COL26A1: variants seen among roughly 807,000 people sequenced by gnomAD.
The protein encoded by COL26A1 is collagen alpha-1(XXVI) chain.
A neutral mutation model predicts 59.3 loss-of-function variants in COL26A1; 41 were observed. The observed-to-expected ratio is 0.69, with a 90% CI of 0.54 to 0.90. COL26A1 has a LOEUF of 0.90. COL26A1 is among the 40% of genes least tolerant of loss of function. COL26A1 has a pLI of 0.00. For missense variants in COL26A1, 612 were observed against 602.3 expected, an observed-to-expected ratio of 1.02 and a Z score of -0.17; for synonymous variants, 266 against 256.0, an observed-to-expected ratio of 1.04 and a Z score of -0.37.
intron 3 of COL26A1, among the ~76,000 whole-genome samples, chr7:101,465,691 C>CA (rs539721605): frequency 0.067 from 6,808 of 102,140 alleles, 317 homozygotes; most frequent in African/African-American, 0.15. Context: ...GAAACTGTCT[C>CA]AAAAAAAAAA....
intron 1 of COL26A1, among the ~76,000 whole-genome samples, chr7:101,406,190 T>C (rs1389715174): frequency 6.6e-6 from 1 of 152,220 alleles, no homozygotes; most frequent in East Asian, 1.9e-4. Flanking sequence ...CCTCCAAAAA[T>C]CAATGACCTT....
At chr7:101,377,217 A>G (rs182748748) in intron 1 of COL26A1, among the ~76,000 whole-genome samples, 1 of 151,992 alleles carries the variant, frequency 6.6e-6, no homozygotes, top group Non-Finnish European at 1.5e-5. Flanking sequence ...TATGTTGTCC[A>G]GGTCAGTCTC....
intron 1 of COL26A1, among the ~76,000 whole-genome samples, chr7:101,410,640 G>C (rs965910973): frequency 1.3e-5 from 2 of 152,068 alleles, no homozygotes; most frequent in African/African-American, 4.8e-5. Flanking sequence ...TCAGCCTCCT[G>C]AGTAGCTGGG....
chr7:101,531,131 T>C (rs1016235185), intron 3 of COL26A1, among the ~76,000 whole-genome samples: 1 of 152,160 alleles, frequency 6.6e-6, no homozygotes, highest in East Asian at 1.9e-4. Flanking sequence ...CCACCATGCC[T>C]GGCTAATTTT....
chr7:101,397,342 G>C (rs1205327848), intron 1 of COL26A1, among the ~76,000 whole-genome samples: 1 of 149,664 alleles, frequency 6.7e-6, no homozygotes, highest in Non-Finnish European at 1.5e-5. Context: ...ACTTAGAATT[G>C]CTTTCTTTTC....
intron 10 of COL26A1, 25 bp downstream of exon 10, chr7:101,551,168 C>T: frequency 6.7e-7 from 1 of 1,498,710 alleles, no homozygotes; most frequent in Non-Finnish European, 8.9e-7. Context: ...TGCAGATGGG[C>T]CTGGGCCACT....
At chr7:101,439,055 G>A (rs984790724) in intron 2 of COL26A1, among the ~76,000 whole-genome samples, 1 of 152,108 alleles carries the variant, frequency 6.6e-6, no homozygotes, top group East Asian at 1.9e-4. Context: ...TGAGGGGCTC[G>A]CCCACCTTCA....
intron 2 of COL26A1, among the ~76,000 whole-genome samples, chr7:101,423,733 GC>G (rs964999486): frequency 5.2e-4 from 77 of 148,608 alleles, no homozygotes; most frequent in Non-Finnish European, 2.5e-4. Flanking sequence ...AGACTCCGTC[GC>G]AAAAAAAAAG....
chr7:101,532,206 C>T (rs1795384772), intron 3 of COL26A1, among the ~76,000 whole-genome samples: 1 of 152,154 alleles, frequency 6.6e-6, no homozygotes, highest in Non-Finnish European at 1.5e-5. Flanking sequence ...GCGGGGTCAG[C>T]ATCACAAGGC....
At chr7:101,365,449 C>G (rs1157049553) in intron 1 of COL26A1, among the ~76,000 whole-genome samples, 1 of 151,922 alleles carries the variant, frequency 6.6e-6, no homozygotes, top group African/African-American at 2.4e-5. Context: ...TTTTTTGAGA[C>G]AGAGTCTCGC....
At chr7:101,383,533 AT>A (rs36087862) in intron 1 of COL26A1, among the ~76,000 whole-genome samples, 2 of 147,584 alleles carry the variant, frequency 1.4e-5, no homozygotes, top group African/African-American at 5.1e-5. Flanking sequence ...CGCCTGGCTA[AT>A]TTTTTTTTTC....
chr7:101,437,440 T>C (rs1792943215), intron 2 of COL26A1, among the ~76,000 whole-genome samples: 1 of 145,554 alleles, frequency 6.9e-6, no homozygotes, highest in Non-Finnish European at 1.5e-5. Context: ...CTGGTGGAAT[T>C]CTGAATCGGG....
At position 101,401,149 on chromosome 7, in the gene COL26A1, G is replaced by A. The variant is rs561714293; in HGVS notation, c.159-18828G>A. ...AGCTCTTTGCAGAACTACCTGCCTG[G>A]AGAAGGCATAGGGGTAAGGCTTTCC... On this transcript the variant is annotated intron_variant, in intron 1 of 12. Coordinates refer to ENST00000313669, the MANE Select transcript of COL26A1 (RefSeq NM_001278563.3). Among the ~76,000 whole-genome samples, 8 of 152,296 alleles carry A rather than the reference G, an allele frequency of 5.3e-5. No homozygotes were observed. The South Asian group carries it at 1.5e-3, about 28-fold the overall frequency.
intron 5 of COL26A1, among the ~76,000 whole-genome samples, chr7:101,541,156 C>T (rs191751887): frequency 3.0e-4 from 46 of 152,236 alleles, no homozygotes; most frequent in Admixed American, 1.8e-3. Flanking sequence ...CTGCCCTGCT[C>T]CTTGGCTTCT....
chr7:101,375,854 C>T (rs955307364), intron 1 of COL26A1, among the ~76,000 whole-genome samples: 19 of 151,192 alleles, frequency 1.3e-4, no homozygotes, highest in African/African-American at 3.4e-4. Context: ...GGTGTGGTGG[C>T]GGGTGCCTGT....
chr7:101,375,316 A>G (rs1003324094), intron 1 of COL26A1, among the ~76,000 whole-genome samples: 15 of 151,842 alleles, frequency 9.9e-5, no homozygotes, highest in African/African-American at 3.6e-4. Context: ...CTAGGAGGCC[A>G]TATGAAAGGA....
intron 1 of COL26A1, among the ~76,000 whole-genome samples, chr7:101,386,486 C>T (rs969123449): frequency 6.6e-6 from 1 of 152,044 alleles, no homozygotes; most frequent in African/African-American, 2.4e-5. Flanking sequence ...AGCGGTGCAC[C>T]GCACCTGGCC....
At chr7:101,412,674 A>G (rs1390499653) in intron 1 of COL26A1, among the ~76,000 whole-genome samples, 3 of 148,950 alleles carry the variant, frequency 2.0e-5, no homozygotes, top group Non-Finnish European at 3.0e-5. Context: ...AAAAGTGGGT[A>G]TAGATATGAG....
intron 1 of COL26A1, among the ~76,000 whole-genome samples, chr7:101,403,972 T>C (rs1046713262): frequency 1.3e-5 from 2 of 152,144 alleles, no homozygotes; most frequent in Non-Finnish European, 2.9e-5. Flanking sequence ...TGGGCACCTG[T>C]AGTCCCAGCT....
Sources: allele counts gnomAD v4.1 joint callset (sites outside exome capture counted in the v4.1 genomes callset), GRCh38; gene constraint gnomAD v4.1.1; transcripts MANE v1.5; gene names NCBI Gene and HGNC (gene_info 2026-07-23, HGNC 2026-07-21).